The following AGBL4 variants were observed in gnomAD, a reference collection of about 807,000 sequenced individuals.
AGBL4 encodes cytosolic carboxypeptidase 6.
AGBL4 carries 58 observed loss-of-function variants against 66.4 expected under a neutral mutation model. That is an observed-to-expected ratio of 0.87 (90% CI 0.71 to 1.09). The LOEUF (loss-of-function observed/expected upper bound fraction) is 1.09, where lower values mean the gene tolerates loss of function less well. AGBL4 is among the 50% of genes least tolerant of loss of function. The pLI, the probability that AGBL4 is intolerant of heterozygous loss-of-function variation, is 0.00. For synonymous variants in AGBL4, 234 were observed against 222.9 expected, an observed-to-expected ratio of 1.05 and a Z score of -0.44; for missense variants, 579 against 631.0, an observed-to-expected ratio of 0.92 and a Z score of 0.88.
At chr1:49,255,184 G>A (rs1411944849) in intron 3 of AGBL4, among the ~76,000 whole-genome samples, 2 of 152,078 alleles carry the variant, frequency 1.3e-5, no homozygotes, top group African/African-American at 2.4e-5. Context: ...AAACTAAAGA[G>A]CTTCTAAAAG....
chr1:49,884,879 C>G (rs1647849902), intron 1 of AGBL4, among the ~76,000 whole-genome samples: 1 of 151,658 alleles, frequency 6.6e-6, no homozygotes, highest in Admixed American at 6.6e-5. Context: ...GTAGCATGTA[C>G]CTGGTGAAAT....
intron 2 of AGBL4, among the ~76,000 whole-genome samples, chr1:49,837,603 T>C (rs1645884579): frequency 2.0e-5 from 3 of 152,088 alleles, no homozygotes; most frequent in Admixed American, 1.3e-4. Context: ...TCCCAGCACT[T>C]TGGGAGGCCA....
intron 4 of AGBL4, among the ~76,000 whole-genome samples, chr1:49,114,628 T>G (rs1170207998): frequency 6.6e-6 from 1 of 152,206 alleles, no homozygotes. Flanking sequence ...CTAAGATTAA[T>G]AATTTCTAGC....
At chr1:49,857,890 G>T (rs563758773) in intron 1 of AGBL4, among the ~76,000 whole-genome samples, 4 of 152,124 alleles carry the variant, frequency 2.6e-5, no homozygotes, top group South Asian at 4.1e-4. Flanking sequence ...AAAAGCTTCT[G>T]CACAGTGAAG....
intron 6 of AGBL4, among the ~76,000 whole-genome samples, chr1:48,787,478 C>A (rs1203824930): frequency 1.3e-5 from 2 of 152,116 alleles, no homozygotes; most frequent in African/African-American, 4.8e-5. Flanking sequence ...ACACAAATTT[C>A]TTTATTTAGT....
Position 49,474,295 on chromosome 1 carries a change from C to T in AGBL4, c.282+223018G>A, listed in dbSNP as rs777398605. Reference sequence around the variant, plus strand: ...TTTTTCCATTTATTTGTGTCATCTCCGATTTCTTTCAGCTCTGTTTTCTAG... The same window carrying T: ...TTTTTCCATTTATTTGTGTCATCTCTGATTTCTTTCAGCTCTGTTTTCTAG... On this transcript the variant is annotated intron_variant, in intron 3 of 13. Transcript: ENST00000371839. Among the ~76,000 whole-genome samples the T allele has an allele frequency of 7.9e-5, 12 of 151,924 alleles. 1 individual carries two copies. The highest frequency in any genetic ancestry group is 6.2e-4 in the South Asian group (3 of 4,820).
chr1:48,606,006 G>A (rs537915611), intron 9 of AGBL4, among the ~76,000 whole-genome samples: 5 of 152,128 alleles, frequency 3.3e-5, no homozygotes, highest in East Asian at 1.9e-4. Context: ...GAGGTGTTAC[G>A]TAAAACCCCG....
At chr1:49,467,051 AG>A (rs1646646218) in intron 3 of AGBL4, among the ~76,000 whole-genome samples, 1 of 151,878 alleles carries the variant, frequency 6.6e-6, no homozygotes, top group South Asian at 2.1e-4. Flanking sequence ...CATGACAAAA[AG>A]GGATGTGCTA....
chr1:49,393,415 T>C (rs1570606097), intron 3 of AGBL4, among the ~76,000 whole-genome samples: 1 of 152,288 alleles, frequency 6.6e-6, no homozygotes, highest in East Asian at 1.9e-4. Context: ...CAATACTATA[T>C]TGTTATGTCA....
chr1:48,910,656 TC>T (rs10602838), intron 5 of AGBL4, among the ~76,000 whole-genome samples: 9,381 of 131,300 alleles, frequency 0.071, 859 homozygotes, highest in African/African-American at 0.26. Context: ...GGCTTTTTTT[TC>T]TTTTCCCTTC....
At chr1:49,532,775 A>G (rs912394050) in intron 3 of AGBL4, among the ~76,000 whole-genome samples, 1 of 152,138 alleles carries the variant, frequency 6.6e-6, no homozygotes, top group African/African-American at 2.4e-5. Context: ...AAGGTCACCT[A>G]TCTACCAAGT....
chr1:49,200,646 T>C (rs1487175454), intron 4 of AGBL4, among the ~76,000 whole-genome samples: 1 of 152,092 alleles, frequency 6.6e-6, no homozygotes, highest in Admixed American at 6.6e-5. Context: ...GAGAAACAGA[T>C]TTACTCATTT....
Position 48,604,260 on chromosome 1 carries a change from T to G in AGBL4, c.952-13275A>C, listed in dbSNP as rs562117041. Among the ~76,000 whole-genome samples, 64 of 152,308 alleles carry G rather than the reference T, an allele frequency of 4.2e-4. 1 individual carries two copies. Among genetic ancestry groups the G allele is most frequent in the African/African-American group, 1.4e-3 (60 of 41,562 alleles). On this transcript the variant is annotated intron_variant, in intron 9 of 13. Transcript: ENST00000371839. ...CAGTTTGCAATATGGGACCTAAGTT[T>G]GGACTGATTCCCAGGTTTCTGGATT...
At chr1:49,683,399 T>G (rs1646732650) in intron 3 of AGBL4, among the ~76,000 whole-genome samples, 1 of 152,178 alleles carries the variant, frequency 6.6e-6, no homozygotes, top group Non-Finnish European at 1.5e-5. Flanking sequence ...GTAATAATAA[T>G]AGTAGCTAAC....
At chr1:49,008,124 G>A (rs538251868) in intron 5 of AGBL4, among the ~76,000 whole-genome samples, 1 of 151,970 alleles carries the variant, frequency 6.6e-6, no homozygotes, top group Admixed American at 6.5e-5. Flanking sequence ...GCTGTATTCA[G>A]GAAACCCATC....
At chr1:49,811,366 T>C (rs550234257) in intron 2 of AGBL4, among the ~76,000 whole-genome samples, 232 of 152,288 alleles carry the variant, frequency 1.5e-3, no homozygotes, top group Non-Finnish European at 2.4e-3. Context: ...TATACAGCTT[T>C]ATTTAAAGCT....
chr1:48,952,662 A>G (rs1396262152), intron 5 of AGBL4, among the ~76,000 whole-genome samples: 1 of 152,220 alleles, frequency 6.6e-6, no homozygotes, highest in Admixed American at 6.5e-5. Context: ...AAGAAGGAAC[A>G]ATGAGGCAGA....
At chr1:48,628,083 A>G (rs981980083) in intron 9 of AGBL4, among the ~76,000 whole-genome samples, 1 of 152,224 alleles carries the variant, frequency 6.6e-6, no homozygotes, top group African/African-American at 2.4e-5. Context: ...TCAACAGAAT[A>G]TTCTCTACAG....
At chr1:49,914,301 T>C (rs1396388740) in intron 1 of AGBL4, among the ~76,000 whole-genome samples, 1 of 152,226 alleles carries the variant, frequency 6.6e-6, no homozygotes, top group Middle Eastern at 3.2e-3. Flanking sequence ...CCACCAGATA[T>C]CCTTGTTCAT....
Sources: allele counts gnomAD v4.1 joint callset (sites outside exome capture counted in the v4.1 genomes callset), GRCh38; gene constraint gnomAD v4.1.1; transcripts MANE v1.5; gene names NCBI Gene and HGNC (gene_info 2026-07-23, HGNC 2026-07-21).